Variants in CNGA1 observed in about 807,000 individuals in gnomAD.
CNGA1 encodes the protein cyclic nucleotide-gated channel alpha-1.
In CNGA1, 53 loss-of-function variants were observed where a neutral mutation model predicts 69.7. The ratio of observed to expected loss-of-function variants is 0.76; its 90% CI spans 0.61 to 0.96. The LOEUF is 0.96. CNGA1 is among the 40% of genes least tolerant of loss of function. The pLI is 0.00. For synonymous variants in CNGA1, 249 were observed against 283.5 expected (o/e 0.88, Z 1.22); for missense variants, 739 against 811.2 (o/e 0.91, Z 1.08).
chr4:47,937,402 A>G lies in CNGA1; in HGVS notation c.1080T>C (p.Gly360=), dbSNP rs774204499. The G allele has an allele frequency of 2.5e-6, 4 of 1,614,064 alleles. No individual in the cohort carries two copies. Among genetic ancestry groups the G allele is most frequent in the Non-Finnish European group, 3.4e-6 (4 of 1,180,028 alleles). The stretch of plus-strand genomic sequence containing the variant: ...AATCCCTCACGGGAGGGGGTGTTTC[A>G]CCAATGGTAGTCAAAGTCAGTGTAG... ...YWSTLTLTTI[G]ETPPPVRDSE... Residue 360 remains glycine, a synonymous_variant, in exon 11 of 11, where the codon GGT becomes GGC. Coordinates refer to ENST00000514170, the MANE Select transcript of CNGA1 (RefSeq NM_001379270.1).
intron 3 of CNGA1, chr4:47,970,910 C>G (rs1272578068): frequency 4.4e-6 from 2 of 453,532 alleles, no homozygotes; most frequent in South Asian, 1.6e-5. Flanking sequence ...AATACCAGCA[C>G]TTTGGGAGGC....
intron 2 of CNGA1, among the ~76,000 whole-genome samples, chr4:47,983,126 T>C (rs1021089281): frequency 6.6e-6 from 1 of 152,174 alleles, no homozygotes; most frequent in Non-Finnish European, 1.5e-5. Flanking sequence ...TTCTTACTCT[T>C]CATTATGTAC....
In CNGA1 at chr4:48,016,497, C is replaced by A; in HGVS notation, c.-237G>T. The A allele has an allele frequency of 2.8e-6, 1 of 358,300 alleles. No homozygotes were observed. The highest frequency in any genetic ancestry group is 5.0e-6 in the Non-Finnish European group (1 of 199,102). The allele number at this position is 358,300 out of a possible 1,614,324, so 22.2% of individuals were successfully genotyped here. ...CCCGGAGTTACCTTGGCGGGCTCCA[C>A]GCTCCGAGAGACGCTGTTGCTCTAT... On this transcript the variant is annotated 5_prime_UTR_variant, in exon 1 of 11. Transcript: ENST00000514170.
At chr4:47,970,778 TTTTTATA>T in intron 3 of CNGA1, 1 of 405,808 alleles carries the variant, frequency 2.5e-6, no homozygotes, top group East Asian at 7.3e-5. Context: ...TACCTTGTTA[TTTTTATA>T]TTTTATATAC....
intron 1 of CNGA1, among the ~76,000 whole-genome samples, chr4:48,015,608 CT>C (rs1026210620): frequency 1.8e-4 from 27 of 151,506 alleles, no homozygotes; most frequent in African/African-American, 4.8e-4. Context: ...CACCCCTCAC[CT>C]TTTTTTTTCT....
At chr4:48,005,412 G>A (rs752879081) in intron 2 of CNGA1, among the ~76,000 whole-genome samples, 4 of 152,104 alleles carry the variant, frequency 2.6e-5, no homozygotes, top group Non-Finnish European at 5.9e-5. Flanking sequence ...CACCACGCCC[G>A]GCCCTGACTT....
chr4:47,979,714 G>A (rs915608733), intron 3 of CNGA1, among the ~76,000 whole-genome samples: 2 of 152,086 alleles, frequency 1.3e-5, no homozygotes, highest in Non-Finnish European at 2.9e-5. Flanking sequence ...ATGATTTGTA[G>A]TCAACTTAAC....
At chr4:47,968,265 CAAT>C (rs1379529610) in intron 3 of CNGA1, among the ~76,000 whole-genome samples, 2 of 151,988 alleles carry the variant, frequency 1.3e-5, no homozygotes, top group African/African-American at 4.8e-5. Context: ...GATATTTGTA[CAAT>C]GTCATAAGAA....
At chr4:47,994,013 C>T (rs184969967) in intron 2 of CNGA1, among the ~76,000 whole-genome samples, 40 of 152,006 alleles carry the variant, frequency 2.6e-4, no homozygotes, top group Non-Finnish European at 4.6e-4. Flanking sequence ...AGTTGATTTC[C>T]GGTTTTGTTT....
Position 47,943,288 on chromosome 4 carries a change from G to A in CNGA1, c.330C>T (p.Ser110=). The change falls in exon 8 of 11, where the codon AGC becomes AGT. Residue 110 remains serine, a splice_region_variant and synonymous_variant. Coordinates refer to ENST00000514170, the MANE Select transcript of CNGA1 (RefSeq NM_001379270.1). The stretch of plus-strand genomic sequence containing the variant: ...TATTTTCGTTTTTATCATCTGACTT[G>A]CTGAAAAAATTAAGCAAGTAGTATT... The part of the protein sequence containing the change: ...EKKKKKKEKK[S]KSDDKNENKN... 3.5e-6 allele frequency: 4 copies of A among 1,157,196 alleles called. No individual in the cohort carries two copies. Among genetic ancestry groups the A allele is most frequent in the Non-Finnish European group, 4.7e-6 (4 of 850,364 alleles). The allele number at this position is 1,157,196 out of a possible 1,614,324, so 71.7% of individuals were successfully genotyped here.
In CNGA1 at chr4:48,016,583, A is replaced by C; in HGVS notation, c.-323T>G. ...GCAGTCGCGCCAAGGGGCAGCTGCT[A>C]CTCCTGCCAGATACACCAGTTATCA... is the stretch of plus-strand genomic sequence containing the variant. On this transcript the variant is annotated 5_prime_UTR_variant, in exon 1 of 11. Coordinates refer to ENST00000514170, the MANE Select transcript of CNGA1 (RefSeq NM_001379270.1). 1 of 513,544 alleles carries C rather than the reference A, an allele frequency of 1.9e-6. No homozygotes were observed. Among genetic ancestry groups the C allele is most frequent in the Non-Finnish European group, 3.4e-6 (1 of 294,294 alleles). 31.8% of individuals were successfully genotyped at this position (513,544 alleles called of 1,614,324 possible).
At position 47,936,824 on chromosome 4, in the gene CNGA1, G is replaced by A; in HGVS notation, c.1658C>T (p.Ala553Val). ...AATATTGGCCGTTCTTCGATTGCCA[G>A]CTTTGCTCCCTTTAATGTTAAGAAT... ...ISILNIKGSKAGNRRTANIKS... is the reference protein window; with the variant it reads ...ISILNIKGSKVGNRRTANIKS... Residue 553 changes from alanine (A) to valine (V), a missense_variant, in exon 11 of 11, where the codon GCT becomes GTT. By Grantham distance (64) the Ala-to-Val change is moderately conservative. Coordinates refer to ENST00000514170, the MANE Select transcript of CNGA1 (RefSeq NM_001379270.1). 1 of 1,614,100 alleles carries A rather than the reference G, an allele frequency of 6.2e-7. No individual in the cohort carries two copies.
intron 2 of CNGA1, among the ~76,000 whole-genome samples, chr4:47,990,444 T>G (rs989969697): frequency 7.2e-5 from 11 of 152,118 alleles, no homozygotes; most frequent in African/African-American, 2.7e-4. Context: ...TCCAGCCTGG[T>G]AAATTCTAGT....
intron 3 of CNGA1, among the ~76,000 whole-genome samples, chr4:47,966,055 A>G (rs1253867468): frequency 6.6e-6 from 1 of 152,214 alleles, no homozygotes; most frequent in Non-Finnish European, 1.5e-5. Flanking sequence ...TATTTAGCTG[A>G]CTCACAAAAA....
intron 5 of CNGA1, among the ~76,000 whole-genome samples, chr4:47,950,255 C>G (rs1049752918): frequency 3.9e-5 from 6 of 152,134 alleles, no homozygotes; most frequent in African/African-American, 1.4e-4. Flanking sequence ...ATGCCATTCT[C>G]GTGCTAGTAA....
At chr4:47,959,831 C>T (rs1207675576) in intron 3 of CNGA1, among the ~76,000 whole-genome samples, 1 of 152,144 alleles carries the variant, frequency 6.6e-6, no homozygotes, top group East Asian at 1.9e-4. Flanking sequence ...CTCTCAAACT[C>T]CTGACCTCAA....
intron 2 of CNGA1, among the ~76,000 whole-genome samples, chr4:48,000,556 C>G (rs547298678): frequency 6.6e-6 from 1 of 152,032 alleles, no homozygotes; most frequent in African/African-American, 2.4e-5. Context: ...TTAGTAGATA[C>G]GGGGCTTCTC....
intron 2 of CNGA1, among the ~76,000 whole-genome samples, chr4:48,007,816 T>A (rs983734770): frequency 2.6e-5 from 4 of 152,156 alleles, no homozygotes; most frequent in Non-Finnish European, 5.9e-5. Flanking sequence ...TACAGAACAT[T>A]ATGTTGGAAG....
intron 2 of CNGA1, among the ~76,000 whole-genome samples, chr4:48,002,993 C>G (rs976627216): frequency 1.3e-5 from 2 of 152,152 alleles, no homozygotes; most frequent in African/African-American, 4.8e-5. Context: ...CCCTGAAAAT[C>G]TGAGACATGT....
Sources: gnomAD v4.1 joint callset for allele counts (sites outside exome capture counted in the v4.1 genomes callset) on GRCh38, gnomAD v4.1.1 for gene constraint, MANE v1.5 for transcripts, NCBI Gene and HGNC (gene_info 2026-07-23, HGNC 2026-07-21) for gene names.